IL17RD: variants seen among roughly 807,000 people sequenced by gnomAD.
IL17RD encodes interleukin-17 receptor D.
Under a neutral mutation model 80.5 loss-of-function variants are expected in IL17RD, and 52 were observed. That is an observed-to-expected ratio of 0.65 (90% CI 0.52 to 0.81). IL17RD has a LOEUF of 0.81. Among genes scored for constraint, IL17RD ranks in the 40% least tolerant of loss-of-function variants. The probability of loss-of-function intolerance (pLI) is 0.00; values close to 1 mark genes in which losing one functional copy is unlikely to be tolerated. For synonymous variants in IL17RD, 416 were observed against 391.8 expected, an observed-to-expected ratio of 1.06 and a Z score of -0.73; for missense variants, 1,024 against 955.1, an observed-to-expected ratio of 1.07 and a Z score of -0.95.
At position 57,098,023 on chromosome 3, in the gene IL17RD, G is replaced by C. The variant is rs142778843; in HGVS notation, c.1680C>G (p.Phe560Leu). The stretch of plus-strand genomic sequence containing the variant: ...GATGGAAGGGAACGAACTGCTTTTC[G>C]AACCAGTCGGGCTCCTCGTCAATAA... Reference protein sequence around the residue: ...HQFIDEEPDWFEKQFVPFHPP... With the variant: ...HQFIDEEPDWLEKQFVPFHPP... Residue 560 changes from phenylalanine to leucine, a missense_variant, in exon 12 of 13, where the codon TTC becomes TTG. Physicochemically the swap from Phe to Leu is conservative, Grantham distance 22. Transcript: ENST00000296318. 6.2e-6 allele frequency: 10 copies of C among 1,614,036 alleles called. No homozygotes were observed. The highest frequency in any genetic ancestry group is 3.3e-5 in the Admixed American group (2 of 60,022).
At chr3:57,118,723 T>C (rs986329821) in intron 2 of IL17RD, among the ~76,000 whole-genome samples, 7 of 152,198 alleles carry the variant, frequency 4.6e-5, no homozygotes, top group Non-Finnish European at 1.0e-4. Flanking sequence ...CCAACTCCAG[T>C]TGGACTGGCT....
chr3:57,096,468 G>A lies in IL17RD; in HGVS notation c.2145C>T (p.Leu715=). 6 of 1,613,936 alleles carry A rather than the reference G, an allele frequency of 3.7e-6. No homozygotes were observed. The highest frequency in any genetic ancestry group is 5.1e-6 in the Non-Finnish European group (6 of 1,179,800). ...GATCTGCTTTGCATGACCCAGAAGA[G>A]AGGAGCTTGGAAGGAAGGGCAGGAG... The part of the protein sequence containing the change: ...EEPPALPSKL[L]SSGSCKADLG... The change falls in exon 13 of 13, where the codon CTC becomes CTT. Residue 715 remains leucine (L), a synonymous_variant. Coordinates refer to ENST00000296318, the MANE Select transcript of IL17RD (RefSeq NM_017563.5).
At position 57,097,990 on chromosome 3, in the gene IL17RD, TGGA is replaced by T. The variant is rs1323196302; in HGVS notation, c.1710_1712del (p.Pro571del). On this transcript the variant is annotated inframe_deletion, in exon 12 of 13. Coordinates refer to ENST00000296318, the MANE Select transcript of IL17RD (RefSeq NM_017563.5). ...CCAAGACTGGCTCCCGGTAGCGCAG[TGGA>T]GGAGGATGGAAGGGAACGAACTGCT... The T allele has an allele frequency of 2.5e-6, 4 of 1,613,842 alleles. No homozygotes were observed. The highest frequency in any genetic ancestry group is 1.1e-5 in the South Asian group (1 of 91,086).
chr3:57,097,864 G>A lies in IL17RD; in HGVS notation c.1839C>T (p.Thr613=). ...TCTCGTGCTGGGAGTCGGCTGGTCCGGTTGCCCCAAGAACAGCCGCCTCTA... is the reference window on the plus strand; with the variant it reads ...TCTCGTGCTGGGAGTCGGCTGGTCCAGTTGCCCCAAGAACAGCCGCCTCTA... ...LKVEAAVLGA[T]GPADSQHESQ... is the part of the protein sequence containing the mutation. Residue 613 remains threonine (T), a synonymous_variant, in exon 12 of 13, where the codon ACC becomes ACT. Transcript: ENST00000296318. 1 of 1,613,558 alleles carries A rather than the reference G, an allele frequency of 6.2e-7. No individual in the cohort carries two copies. The highest frequency in any genetic ancestry group is 8.5e-7 in the Non-Finnish European group (1 of 1,179,808).
chr3:57,097,934 T>A lies in IL17RD; in HGVS notation c.1769A>T (p.Asp590Val). 1 of 1,613,998 alleles carries A rather than the reference T, an allele frequency of 6.2e-7. No homozygotes were observed. Among genetic ancestry groups the A allele is most frequent in the African/African-American group, 1.3e-5 (1 of 75,034 alleles). Residue 590 changes from aspartate (D) to valine (V), a missense_variant, in exon 12 of 13, where the codon GAT (aspartate) becomes GTT (valine). Physicochemically the swap from Asp to Val is radical, Grantham distance 152. Coordinates refer to ENST00000296318, the MANE Select transcript of IL17RD (RefSeq NM_017563.5). ...EKFDSGLVLN[D>V]VMCKPGPESD... The stretch of plus-strand genomic sequence containing the variant: ...CTCAGGCCCTGGTTTGCACATGACA[T>A]CATTTAAAACCAAGCCCGAATCAAA...
At position 57,093,544 on chromosome 3, in the gene IL17RD, T is replaced by TC. The variant is rs1706604560; in HGVS notation, c.*2848_*2849insG. ...TTGAAGGACAGTCTTCCTGCTTATT[T>TC]GCACTCAAGATACTATTATTTGCTC... is the stretch of plus-strand genomic sequence containing the variant. On this transcript the variant is annotated 3_prime_UTR_variant, in exon 13 of 13. Transcript: ENST00000296318. The TC allele has an allele frequency of 6.6e-6, 1 of 152,234 alleles. No individual in the cohort carries two copies. The highest frequency in any genetic ancestry group is 1.5e-5 in the Non-Finnish European group (1 of 68,040). 9.4% of individuals were successfully genotyped at this position (152,234 alleles called of 1,614,324 possible).
In IL17RD at chr3:57,114,710, A is replaced by C. The variant is rs1423628990; in HGVS notation, c.292T>G (p.Trp98Gly). 2 of 1,611,486 alleles carry C rather than the reference A, an allele frequency of 1.2e-6. No homozygotes were observed. Among genetic ancestry groups the C allele is most frequent in the East Asian group, 4.5e-5 (2 of 44,844 alleles). Residue 98 changes from tryptophan to glycine, a missense_variant, in exon 3 of 13, where the codon TGG becomes GGG. Coordinates refer to ENST00000296318, the MANE Select transcript of IL17RD (RefSeq NM_017563.5). ...CACTCACCGAGGGCCCCTGGGGACC[A>C]AAGAATGGTGACTGCCACTTGGTCA... ...CHDQVAVTIL[W>G]SPGALGIEFL...
In IL17RD at chr3:57,096,460, C is replaced by G; in HGVS notation, c.2153G>C (p.Gly718Ala). Residue 718 changes from glycine to alanine, a missense_variant, in exon 13 of 13, where the codon GGG (glycine) becomes GCG (alanine). Physicochemically the swap from Gly to Ala is moderately conservative, Grantham distance 60. Coordinates refer to ENST00000296318, the MANE Select transcript of IL17RD (RefSeq NM_017563.5). ...GCAACCAAGATCTGCTTTGCATGAC[C>G]CAGAAGAGAGGAGCTTGGAAGGAAG... ...PALPSKLLSSGSCKADLGCRS... is the reference protein window; with the variant it reads ...PALPSKLLSSASCKADLGCRS... 1.9e-6 allele frequency: 3 copies of G among 1,613,878 alleles called. No homozygotes were observed. Among genetic ancestry groups the G allele is most frequent in the Non-Finnish European group, 2.5e-6 (3 of 1,179,824 alleles).
intron 3 of IL17RD, among the ~76,000 whole-genome samples, chr3:57,110,547 A>G (rs1707074412): frequency 6.6e-6 from 1 of 152,200 alleles, no homozygotes; most frequent in Non-Finnish European, 1.5e-5. Context: ...CCAGCCAGCT[A>G]TTTCATAAAT....
intron 1 of IL17RD, among the ~76,000 whole-genome samples, chr3:57,160,521 C>G (rs893476434): frequency 1.3e-5 from 2 of 152,028 alleles, no homozygotes; most frequent in African/African-American, 4.8e-5. Flanking sequence ...CACTCCAGGC[C>G]TCCTCATCTG....
At chr3:57,161,739 A>C (rs906090500) in intron 1 of IL17RD, among the ~76,000 whole-genome samples, 2 of 152,234 alleles carry the variant, frequency 1.3e-5, no homozygotes, top group African/African-American at 4.8e-5. Context: ...GGAGAACTTC[A>C]GTATGAGTGA....
chr3:57,096,455 A>G lies in IL17RD; in HGVS notation c.2158T>C (p.Cys720Arg), dbSNP rs1247798750. 4 of 1,613,866 alleles carry G rather than the reference A, an allele frequency of 2.5e-6. No homozygotes were observed. Among genetic ancestry groups the G allele is most frequent in the Non-Finnish European group, 3.4e-6 (4 of 1,179,856 alleles). ...CTGCGGCAACCAAGATCTGCTTTGC[A>G]TGACCCAGAAGAGAGGAGCTTGGAA... The part of the protein sequence containing the change: ...LPSKLLSSGS[C>R]KADLGCRSYT... Residue 720 changes from cysteine to arginine, a missense_variant, in exon 13 of 13, where the codon TGC (cysteine) becomes CGC (arginine). Coordinates refer to ENST00000296318, the MANE Select transcript of IL17RD (RefSeq NM_017563.5).
In IL17RD at chr3:57,106,123, T is replaced by C; in HGVS notation, c.582A>G (p.Leu194=). Reference sequence around the variant, plus strand: ...ACTATTACTTACAGGGTTTACAAGCTAGATTGTCCGGCTGTAACAACAGGT... The same window carrying C: ...ACTATTACTTACAGGGTTTACAAGCCAGATTGTCCGGCTGTAACAACAGGT... ...ACDLLLQPDN[L]ACKPFWKPRN... is the part of the protein sequence containing the mutation. Residue 194 remains leucine (L), a synonymous_variant, in exon 6 of 13, where the codon CTA becomes CTG. Coordinates refer to ENST00000296318, the MANE Select transcript of IL17RD (RefSeq NM_017563.5). 6.2e-7 allele frequency: 1 copy of C among 1,612,640 alleles called. No individual in the cohort carries two copies. Among genetic ancestry groups the C allele is most frequent in the Non-Finnish European group, 8.5e-7 (1 of 1,178,868 alleles).
chr3:57,159,878 G>C (rs1216306219), intron 1 of IL17RD, among the ~76,000 whole-genome samples: 1 of 152,202 alleles, frequency 6.6e-6, no homozygotes, highest in Non-Finnish European at 1.5e-5. Flanking sequence ...GCAGGCTGAA[G>C]AGGCAGTGGG....
At chr3:57,112,081 G>C (rs1707113484) in intron 3 of IL17RD, among the ~76,000 whole-genome samples, 1 of 152,152 alleles carries the variant, frequency 6.6e-6, no homozygotes, top group Non-Finnish European at 1.5e-5. Flanking sequence ...CTGAGGCCGA[G>C]GGAAGAGGCA....
At chr3:57,147,814 A>G (rs1579312555) in intron 1 of IL17RD, among the ~76,000 whole-genome samples, 1 of 152,222 alleles carries the variant, frequency 6.6e-6, no homozygotes, top group East Asian at 1.9e-4. Flanking sequence ...AAACACAGTG[A>G]TTATAGCAGC....
intron 1 of IL17RD, among the ~76,000 whole-genome samples, chr3:57,135,307 G>A (rs995073345): frequency 6.6e-6 from 1 of 152,174 alleles, no homozygotes; most frequent in Non-Finnish European, 1.5e-5. Flanking sequence ...AGGCTGGGAG[G>A]AGGCAGAAGG....
chr3:57,096,207 T>A lies in IL17RD; in HGVS notation c.*186A>T. On this transcript the variant is annotated 3_prime_UTR_variant, in exon 13 of 13. Transcript: ENST00000296318. ...AGAGCTCCATATCATTTTAGAAAATTGGAGAGTTTGTCAAGATATCCGGTA... is the reference window on the plus strand; with the variant it reads ...AGAGCTCCATATCATTTTAGAAAATAGGAGAGTTTGTCAAGATATCCGGTA... The A allele has an allele frequency of 1.7e-6, 1 of 582,326 alleles. No individual in the cohort carries two copies. The highest frequency in any genetic ancestry group is 3.1e-6 in the Non-Finnish European group (1 of 320,170). 36.1% of individuals were successfully genotyped at this position (582,326 alleles called of 1,614,324 possible).
At chr3:57,163,103 G>A (rs1241466150) in intron 1 of IL17RD, among the ~76,000 whole-genome samples, 1 of 152,158 alleles carries the variant, frequency 6.6e-6, no homozygotes, top group Non-Finnish European at 1.5e-5. Flanking sequence ...AAGCATGTGG[G>A]GAAACTGGGT....
Sources: allele counts gnomAD v4.1 joint callset (sites outside exome capture counted in the v4.1 genomes callset), GRCh38; gene constraint gnomAD v4.1.1; transcripts MANE v1.5; gene names NCBI Gene and HGNC (gene_info 2026-07-23, HGNC 2026-07-21).